The following ERBB4 variants were observed in gnomAD, a reference collection of about 807,000 sequenced individuals.
The protein encoded by ERBB4 is receptor tyrosine-protein kinase erbB-4.
A neutral mutation model predicts 158.0 loss-of-function variants in ERBB4; 42 were observed. The ratio of observed to expected loss-of-function variants is 0.27; its 90% CI spans 0.21 to 0.34. The LOEUF (loss-of-function observed/expected upper bound fraction) is 0.34, where lower values mean the gene tolerates loss of function less well. Among genes scored for constraint, ERBB4 ranks in the 10% least tolerant of loss-of-function variants. The pLI is 1.00. For synonymous variants in ERBB4, 583 were observed against 558.7 expected, an observed-to-expected ratio of 1.04 and a Z score of -0.61; for missense variants, 1,333 against 1,624.1, an observed-to-expected ratio of 0.82 and a Z score of 3.08.
intron 3 of ERBB4, among the ~76,000 whole-genome samples, chr2:211,883,995 T>G (rs1401766397): frequency 6.6e-6 from 1 of 152,122 alleles, no homozygotes; most frequent in Non-Finnish European, 1.5e-5. Context: ...TAGAGAAAAT[T>G]ACTTCTCTAT....
chr2:212,347,954 T>G (rs2089084910), intron 1 of ERBB4, among the ~76,000 whole-genome samples: 1 of 152,106 alleles, frequency 6.6e-6, no homozygotes, highest in Non-Finnish European at 1.5e-5. Flanking sequence ...CAGCTATTTT[T>G]AGGTGAAATA....
chr2:212,318,868 G>GA (rs1258307978), intron 1 of ERBB4, among the ~76,000 whole-genome samples: 2 of 151,616 alleles, frequency 1.3e-5, no homozygotes, highest in Non-Finnish European at 3.0e-5. Context: ...CAGAGAAGGT[G>GA]AAAGATTTTC....
intron 1 of ERBB4, among the ~76,000 whole-genome samples, chr2:212,511,411 A>G (rs1419509510): frequency 6.6e-6 from 1 of 152,210 alleles, no homozygotes; most frequent in Non-Finnish European, 1.5e-5. Context: ...ATCCAAAGAA[A>G]GAGTCGCTTA....
intron 1 of ERBB4, among the ~76,000 whole-genome samples, chr2:212,227,847 A>T (rs547403922): frequency 6.6e-6 from 1 of 152,210 alleles, no homozygotes; most frequent in East Asian, 1.9e-4. Flanking sequence ...TCTTATGGGA[A>T]CTCACTTTGA....
chr2:212,355,851 T>C (rs1480645843), intron 1 of ERBB4, among the ~76,000 whole-genome samples: 2 of 151,902 alleles, frequency 1.3e-5, no homozygotes, highest in East Asian at 1.9e-4. Flanking sequence ...TATAAAATCA[T>C]CTAATATATT....
chr2:212,512,226 CA>C (rs1691562894), intron 1 of ERBB4, among the ~76,000 whole-genome samples: 1 of 152,054 alleles, frequency 6.6e-6, no homozygotes, highest in Admixed American at 6.5e-5. Context: ...CCTTTGGAGT[CA>C]GGGGAAAGTT....
At chr2:211,994,448 A>G (rs1470316909) in intron 2 of ERBB4, among the ~76,000 whole-genome samples, 1 of 152,176 alleles carries the variant, frequency 6.6e-6, no homozygotes, top group Non-Finnish European at 1.5e-5. Flanking sequence ...TAACTATTAT[A>G]ACTTACATTA....
intron 25 of ERBB4, among the ~76,000 whole-genome samples, chr2:211,407,703 T>C (rs985397554): frequency 6.6e-6 from 1 of 152,258 alleles, no homozygotes; most frequent in Admixed American, 6.5e-5. Flanking sequence ...TCATTTACAA[T>C]GTCTGAATAA....
At chr2:211,759,452 A>G (rs2075357721) in intron 4 of ERBB4, among the ~76,000 whole-genome samples, 1 of 152,102 alleles carries the variant, frequency 6.6e-6, no homozygotes, top group Non-Finnish European at 1.5e-5. Context: ...GACCTACAAC[A>G]CGTAGCCCTC....
chr2:211,499,696 G>A lies in ERBB4; in HGVS notation c.2487+62207C>T, dbSNP rs566845604. Among the ~76,000 whole-genome samples, 61 of 152,156 alleles carry A rather than the reference G, an allele frequency of 4.0e-4. 1 individual carries two copies. The South Asian group carries it at 4.1e-3, about 10-fold the overall frequency. ...ATCACCAAAATGTGTAAGTGTAAGA[G>A]GGACTTCACTCATAAGCATCAGAAT... On this transcript the variant is annotated intron_variant, in intron 20 of 27. Coordinates refer to ENST00000342788, the MANE Select transcript of ERBB4 (RefSeq NM_005235.3).
At chr2:211,801,873 A>C (rs1048407118) in intron 3 of ERBB4, among the ~76,000 whole-genome samples, 1 of 152,178 alleles carries the variant, frequency 6.6e-6, no homozygotes, top group African/African-American at 2.4e-5. Flanking sequence ...AGAATCTTAC[A>C]TAGAAAATTA....
chr2:212,090,689 A>T (rs1000781682), intron 2 of ERBB4, among the ~76,000 whole-genome samples: 1 of 152,154 alleles, frequency 6.6e-6, no homozygotes, highest in African/African-American at 2.4e-5. Context: ...ATACTTCCAG[A>T]TTCCAATTTA....
intron 12 of ERBB4, among the ~76,000 whole-genome samples, chr2:211,685,118 A>G (rs1476984977): frequency 6.6e-6 from 1 of 152,212 alleles, no homozygotes; most frequent in Non-Finnish European, 1.5e-5. Flanking sequence ...TACAGAGCAA[A>G]TGTTTTTAAT....
intron 19 of ERBB4, among the ~76,000 whole-genome samples, chr2:211,598,347 CA>C (rs1464889125): frequency 6.6e-6 from 1 of 151,976 alleles, no homozygotes; most frequent in Non-Finnish European, 1.5e-5. Context: ...AGGCACAGAT[CA>C]AAATGGAAAT....
At chr2:211,772,924 C>CACACACACACATATATATATAT (rs1181682464) in intron 4 of ERBB4, among the ~76,000 whole-genome samples, 1 of 36,738 alleles carries the variant, frequency 2.7e-5, no homozygotes, top group African/African-American at 1.5e-4. Flanking sequence ...CACACACACA[C>CACACACACACATATATATATAT]ATATATATAT....
In ERBB4 at chr2:212,329,896, T is replaced by C. The variant is rs531183598; in HGVS notation, c.83-204993A>G. Among the ~76,000 whole-genome samples, 17 of 152,198 alleles carry C rather than the reference T, an allele frequency of 1.1e-4. No individual in the cohort carries two copies. The East Asian group carries it at 2.5e-3, about 23-fold the overall frequency. On this transcript the variant is annotated intron_variant, in intron 1 of 27. Transcript: ENST00000342788. Reference sequence around the variant, plus strand: ...CAGTATGCTCAGATGACAACTAACTTTAAGTTACTTTAAAATTCACCAACT... The same window carrying C: ...CAGTATGCTCAGATGACAACTAACTCTAAGTTACTTTAAAATTCACCAACT...
chr2:211,400,561 G>A (rs1291905292), intron 25 of ERBB4, among the ~76,000 whole-genome samples: 1 of 151,896 alleles, frequency 6.6e-6, no homozygotes, highest in Admixed American at 6.6e-5. Context: ...ATATCTGTGG[G>A]AGCTAAAAAT....
At chr2:212,402,276 TTA>T (rs2091229143) in intron 1 of ERBB4, among the ~76,000 whole-genome samples, 1 of 152,164 alleles carries the variant, frequency 6.6e-6, no homozygotes, top group African/African-American at 2.4e-5. Flanking sequence ...CCATACTTTA[TTA>T]TCTATTTATA....
chr2:211,724,487 G>T (rs1346082404), intron 6 of ERBB4, among the ~76,000 whole-genome samples: 1 of 151,508 alleles, frequency 6.6e-6, no homozygotes, highest in African/African-American at 2.4e-5. Context: ...TTAAGCTGGT[G>T]TTCTCGGTAT....
Sources: allele counts gnomAD v4.1 joint callset (sites outside exome capture counted in the v4.1 genomes callset), GRCh38; gene constraint gnomAD v4.1.1; transcripts MANE v1.5; gene names NCBI Gene and HGNC (gene_info 2026-07-23, HGNC 2026-07-21).